MTMR1: variants seen among roughly 807,000 people sequenced by gnomAD.
The protein encoded by MTMR1 is phosphatidylinositol-3-phosphate phosphatase MTMR1.
Under a neutral mutation model 51.6 loss-of-function variants are expected in MTMR1, and 17 were observed. The observed-to-expected ratio is 0.33, with a 90% CI of 0.23 to 0.49. MTMR1 has a LOEUF of 0.49. Ranked by LOEUF, MTMR1 falls within the 20% of genes least tolerant of loss-of-function variation. The pLI is 0.99. For synonymous variants in MTMR1, 201 were observed against 205.6 expected (o/e 0.98, Z 0.19); for missense variants, 386 against 526.9 (o/e 0.73, Z 2.62).
At chrX:150,756,445 T>C (rs1557417764) in intron 15 of MTMR1, among the ~76,000 whole-genome samples, 1 of 111,813 alleles carries the variant, frequency 8.9e-6, no homozygotes, top group African/African-American at 3.3e-5. Context: ...GTCCTCTCTT[T>C]GTGTTCAGTG....
At chrX:150,705,175 A>G (rs2041052244) in intron 2 of MTMR1, among the ~76,000 whole-genome samples, 1 of 112,359 alleles carries the variant, frequency 8.9e-6, no homozygotes. Context: ...AACAATAGGA[A>G]TGACCCAATT....
intron 13 of MTMR1, among the ~76,000 whole-genome samples, chrX:150,747,548 CAGG>C (rs1188669092): frequency 8.9e-6 from 1 of 111,848 alleles, no homozygotes; most frequent in Non-Finnish European, 1.9e-5. Context: ...GTACAGTTTC[CAGG>C]AGAAGAGGCC....
chrX:150,727,345 A>G, intron 5 of MTMR1, 36 bp downstream of exon 5: 1 of 1,080,559 alleles, frequency 9.3e-7, no homozygotes, highest in East Asian at 3.0e-5. Flanking sequence ...TTTAAAAGAA[A>G]CACTTTTAAA....
chrX:150,714,368 C>T (rs782372684), intron 3 of MTMR1: 1 of 401,517 alleles, frequency 2.5e-6, no homozygotes, highest in South Asian at 3.3e-5. Context: ...TCGACTTTTA[C>T]ATGCTTACTG....
At chrX:150,732,393 C>T in intron 9 of MTMR1, 149 bp from the exon 10 acceptor site, 1 of 461,331 alleles carries the variant, frequency 2.2e-6, no homozygotes, top group Non-Finnish European at 3.6e-6. Flanking sequence ...ATGGCCACTA[C>T]AATGCTGTGA....
intron 3 of MTMR1, among the ~76,000 whole-genome samples, chrX:150,717,135 G>A (rs1557416414): frequency 9.0e-6 from 1 of 110,597 alleles, no homozygotes; most frequent in Non-Finnish European, 1.9e-5. Context: ...TGAGGTGGGC[G>A]GATCACCAGG....
At chrX:150,737,091 T>C (rs782382051) in intron 11 of MTMR1, 151 bp from the exon 12 acceptor site, 242 of 494,248 alleles carry the variant, frequency 4.9e-4, no homozygotes, top group Non-Finnish European at 6.9e-4. Flanking sequence ...GTGATGCTAA[T>C]ATTTCCTAGT....
chrX:150,709,041 G>A (rs1468470280), intron 2 of MTMR1, among the ~76,000 whole-genome samples: 2 of 111,829 alleles, frequency 1.8e-5, no homozygotes, highest in African/African-American at 6.5e-5. Context: ...TCGGAGTTGG[G>A]AACTGGTAGG....
At chrX:150,709,975 T>C (rs1164167845) in intron 2 of MTMR1, among the ~76,000 whole-genome samples, 1 of 112,572 alleles carries the variant, frequency 8.9e-6, no homozygotes, top group Non-Finnish European at 1.9e-5. Flanking sequence ...GTGAATGTTT[T>C]TAGTTTTCAG....
At chrX:150,731,404 T>G in intron 8 of MTMR1, 66 bp from the exon 9 acceptor site, 1 of 952,822 alleles carries the variant, frequency 1.0e-6, no homozygotes, top group Non-Finnish European at 1.4e-6. Flanking sequence ...TACTTCATGC[T>G]TAGTACTTTT....
chrX:150,738,615 C>T (rs1185628158), intron 12 of MTMR1, among the ~76,000 whole-genome samples: 6 of 111,832 alleles, frequency 5.4e-5, no homozygotes, highest in Non-Finnish European at 9.4e-5. Flanking sequence ...GCTACCTCTT[C>T]ACAAGGTCTT....
At chrX:150,696,941 C>G (rs2040700042) in intron 1 of MTMR1, among the ~76,000 whole-genome samples, 1 of 111,449 alleles carries the variant, frequency 9.0e-6, no homozygotes, top group South Asian at 3.8e-4. Context: ...CCACAGAAGC[C>G]TGTGTTGTGG....
At chrX:150,693,788 T>A (rs868938215) in intron 1 of MTMR1, 112 bp downstream of exon 1, 17 of 512,685 alleles carry the variant, frequency 3.3e-5, no homozygotes, top group Middle Eastern at 2.4e-3. Flanking sequence ...GGTGGCGGGG[T>A]GGGCGGCCCC....
At chrX:150,759,993 G>C (rs1175909810) in intron 15 of MTMR1, among the ~76,000 whole-genome samples, 2 of 109,736 alleles carry the variant, frequency 1.8e-5, no homozygotes, top group African/African-American at 3.2e-5. Flanking sequence ...GCAGGGTCCT[G>C]AGCCTCACGG....
At chrX:150,712,270 A>T in intron 2 of MTMR1, 72 bp from the exon 3 acceptor site, 1 of 980,683 alleles carries the variant, frequency 1.0e-6, no homozygotes, top group Non-Finnish European at 1.4e-6. Flanking sequence ...TAGGCTGTTG[A>T]ACTTAATGGC....
At chrX:150,762,427 C>A in intron 15 of MTMR1, 138 bp from the exon 16 acceptor site, 2 of 775,115 alleles carry the variant, frequency 2.6e-6, no homozygotes, top group Non-Finnish European at 3.8e-6. Context: ...GACGCGAGAT[C>A]GGTCAACGCC....
In MTMR1 at chrX:150,756,942, C is replaced by T. The variant is rs147361453; in HGVS notation, c.1857+1077C>T. Among the ~76,000 whole-genome samples, 95 of 112,546 alleles carry T rather than the reference C, an allele frequency of 8.4e-4. No homozygotes were observed. In the East Asian group the frequency reaches 0.021, roughly 25 times the overall value. The stretch of plus-strand genomic sequence containing the variant: ...CTGGGATTATGGGTGTGCACCACTG[C>T]GCCAGGCCTGAGATTTTTCTTTTGA... On this transcript the variant is annotated intron_variant, in intron 15 of 15. Transcript: ENST00000445323.
intron 4 of MTMR1, 53 bp downstream of exon 4, chrX:150,718,753 C>A: frequency 8.8e-7 from 1 of 1,135,112 alleles, no homozygotes; most frequent in Non-Finnish European, 1.2e-6. Flanking sequence ...TGAAATGGCA[C>A]TTAATTTGCA....
chrX:150,746,969 C>G (rs192336048), intron 13 of MTMR1, among the ~76,000 whole-genome samples: 1 of 111,891 alleles, frequency 8.9e-6, no homozygotes, highest in Non-Finnish European at 1.9e-5. Context: ...GTAAGCTATG[C>G]AGTGTAAAAT....
Sources: allele counts gnomAD v4.1 joint callset (sites outside exome capture counted in the v4.1 genomes callset), GRCh38; gene constraint gnomAD v4.1.1; transcripts MANE v1.5; gene names NCBI Gene and HGNC (gene_info 2026-07-23, HGNC 2026-07-21).